The following THRAP3 variants were observed in gnomAD, a reference collection of about 807,000 sequenced individuals.
THRAP3 encodes the protein thyroid hormone receptor-associated protein 3.
In THRAP3, 16 loss-of-function variants were observed where a neutral mutation model predicts 101.0. The observed-to-expected ratio is 0.16, with a 90% CI of 0.11 to 0.24. THRAP3 has a LOEUF of 0.24. THRAP3 is among the 10% of genes least tolerant of loss of function. The pLI, the probability that THRAP3 is intolerant of heterozygous loss-of-function variation, is 1.00. For synonymous variants in THRAP3, 407 were observed against 422.6 expected (o/e 0.96, Z 0.45); for missense variants, 989 against 1,202.7 (o/e 0.82, Z 2.63).
intron 7 of THRAP3, among the ~76,000 whole-genome samples, chr1:36,293,640 C>CTGTGTGTGTGTGTG (rs577292328): frequency 0.071 from 9,433 of 133,258 alleles, 551 homozygotes; most frequent in Admixed American, 0.14. Flanking sequence ...GAACCTGGGA[C>CTGTGTGTGTGTGTG]TGTGTGTGTG....
At chr1:36,261,623 CA>C (rs1313350932) in intron 2 of THRAP3, among the ~76,000 whole-genome samples, 2 of 152,180 alleles carry the variant, frequency 1.3e-5, no homozygotes, top group African/African-American at 4.8e-5. Context: ...AGACGAACTA[CA>C]CTGATCACAT....
intron 2 of THRAP3, among the ~76,000 whole-genome samples, chr1:36,265,545 G>A (rs1377117578): frequency 1.3e-5 from 2 of 150,778 alleles, no homozygotes; most frequent in Non-Finnish European, 2.9e-5. Context: ...GATAAGATGA[G>A]CAGAAGAATG....
chr1:36,231,095 A>G (rs985613040), intron 1 of THRAP3, among the ~76,000 whole-genome samples: 5 of 152,160 alleles, frequency 3.3e-5, no homozygotes, highest in Non-Finnish European at 7.3e-5. Flanking sequence ...TGGATATATC[A>G]TAGAGGTCTC....
chr1:36,250,649 C>T (rs1360250401), intron 1 of THRAP3, among the ~76,000 whole-genome samples: 4 of 151,700 alleles, frequency 2.6e-5, no homozygotes, highest in Admixed American at 6.6e-5. Flanking sequence ...CAGTGGCCCA[C>T]GCCTGTAATC....
chr1:36,281,929 C>T (rs371107848), intron 2 of THRAP3, among the ~76,000 whole-genome samples: 4 of 152,010 alleles, frequency 2.6e-5, no homozygotes, highest in East Asian at 1.9e-4. Flanking sequence ...AAAAATTAGC[C>T]GGGCATGGTG....
chr1:36,221,109 T>TGAG (rs1410967934), upstream of THRAP3, among the ~76,000 whole-genome samples: 1 of 143,812 alleles, frequency 7.0e-6, no homozygotes, highest in Non-Finnish European at 1.5e-5. Flanking sequence ...CCTTTGAGCC[T>TGAG]GGGAGATGGC....
chr1:36,296,712 T>C lies in THRAP3; in HGVS notation c.2245T>C (p.Ser749Pro), dbSNP rs760630864. The change falls in exon 9 of 12, where the codon TCA becomes CCA. Residue 749 changes from serine (S) to proline (P), a missense_variant. Transcript: ENST00000354618. ...ESVDSRDSSH[S>P]RERSAEKTEK... is the part of the protein sequence containing the mutation. ...AGTGGATTCCCGAGACTCCAGTCAC[T>C]CAAGGGAAAGGTCAGCTGAAAAAAC... 6.2e-7 allele frequency: 1 copy of C among 1,609,096 alleles called. No homozygotes were observed. The highest frequency in any genetic ancestry group is 2.2e-5 in the East Asian group (1 of 44,758).
chr1:36,248,831 C>G (rs184653865), intron 1 of THRAP3, among the ~76,000 whole-genome samples: 1 of 152,096 alleles, frequency 6.6e-6, no homozygotes, highest in East Asian at 1.9e-4. Context: ...TACCATGTAC[C>G]AGGCATTGCG....
intron 10 of THRAP3, among the ~76,000 whole-genome samples, chr1:36,301,334 T>C (rs1219034078): frequency 1.3e-5 from 2 of 152,224 alleles, no homozygotes; most frequent in Non-Finnish European, 2.9e-5. Flanking sequence ...CCTTGACTAC[T>C]GCTGTTTATA....
chr1:36,279,510 C>T lies in THRAP3; in HGVS notation c.-31-3023C>T, dbSNP rs116431262. On this transcript the variant is annotated intron_variant, in intron 2 of 11. Coordinates refer to ENST00000354618, the MANE Select transcript of THRAP3 (RefSeq NM_005119.4). Reference sequence around the variant, plus strand: ...CCACCTCCCACTCCTGAATAACTTACTCCTTTATTCTGACTTCATATAGTG... The same window carrying T: ...CCACCTCCCACTCCTGAATAACTTATTCCTTTATTCTGACTTCATATAGTG... Among the ~76,000 whole-genome samples the T allele has an allele frequency of 4.8e-3, 735 of 152,306 alleles. 5 individuals carry two copies. Among genetic ancestry groups the T allele is most frequent in the Non-Finnish European group, 8.9e-3 (607 of 68,018 alleles).
Position 36,304,250 on chromosome 1 carries a change from A to G in THRAP3, c.*233A>G. 2.4e-6 allele frequency: 1 copy of G among 408,542 alleles called. No individual in the cohort carries two copies. Among genetic ancestry groups the G allele is most frequent in the South Asian group, 7.3e-5 (1 of 13,772 alleles). 25.3% of individuals were successfully genotyped at this position (408,542 alleles called of 1,614,324 possible). ...CCAGCTTTTGAGCAGAATACAACGC[A>G]TTGGGCTTTAGCTGTTTTTCTCATT... On this transcript the variant is annotated 3_prime_UTR_variant, in exon 12 of 12. Transcript: ENST00000354618.
chr1:36,212,943 T>C, the THRAP3 span, among the ~76,000 whole-genome samples: 1 of 151,792 alleles, frequency 6.6e-6, no homozygotes, highest in African/African-American at 2.4e-5. Flanking sequence ...CTTTGATAGG[T>C]GGGGCTGCTG....
intron 2 of THRAP3, among the ~76,000 whole-genome samples, chr1:36,262,334 C>T (rs1415387851): frequency 6.6e-6 from 1 of 152,160 alleles, no homozygotes. Context: ...TCTGAAGGAA[C>T]AGATAAACTA....
intron 9 of THRAP3, among the ~76,000 whole-genome samples, chr1:36,299,492 C>CTTTTTT (rs762518758): frequency 6.8e-6 from 1 of 146,658 alleles, no homozygotes; most frequent in Non-Finnish European, 1.5e-5. Context: ...TTTTGAGAGT[C>CTTTTTT]TTTTTTTTTT....
At chr1:36,212,638 T>C in the THRAP3 span, among the ~76,000 whole-genome samples, 1 of 152,198 alleles carries the variant, frequency 6.6e-6, no homozygotes, top group Non-Finnish European at 1.5e-5. Context: ...CACACTGGTC[T>C]CGAATTCCTG....
chr1:36,293,097 C>T (rs1228348765), intron 7 of THRAP3, among the ~76,000 whole-genome samples: 7 of 120,606 alleles, frequency 5.8e-5, no homozygotes, highest in African/African-American at 1.5e-4. Flanking sequence ...GATGCAATCT[C>T]GGCTCACTGC....
intron 1 of THRAP3, among the ~76,000 whole-genome samples, chr1:36,251,302 A>G (rs1473928877): frequency 1.3e-5 from 2 of 152,186 alleles, no homozygotes; most frequent in Non-Finnish European, 2.9e-5. Flanking sequence ...TGAGTTCTTG[A>G]CAGTTCAGTC....
intron 2 of THRAP3, among the ~76,000 whole-genome samples, chr1:36,268,426 A>G (rs1417323728): frequency 6.6e-6 from 1 of 152,184 alleles, no homozygotes; most frequent in African/African-American, 2.4e-5. Flanking sequence ...TATTTGTTAC[A>G]TTGGCAGTGT....
intron 1 of THRAP3, among the ~76,000 whole-genome samples, chr1:36,244,559 T>A (rs1159680860): frequency 6.6e-6 from 1 of 152,204 alleles, no homozygotes; most frequent in Non-Finnish European, 1.5e-5. Flanking sequence ...CCTTGATTCC[T>A]TTCCTCTTCG....
Sources: allele counts gnomAD v4.1 joint callset (sites outside exome capture counted in the v4.1 genomes callset), GRCh38; gene constraint gnomAD v4.1.1; transcripts MANE v1.5; gene names NCBI Gene and HGNC (gene_info 2026-07-23, HGNC 2026-07-21).